Variants in SLC39A9 observed in about 807,000 individuals in gnomAD.
SLC39A9 encodes the protein solute carrier family 39 member 9.
In SLC39A9, 14 loss-of-function variants were observed where a neutral mutation model predicts 28.4. That is an observed-to-expected ratio of 0.49 (90% CI 0.33 to 0.77). The LOEUF (loss-of-function observed/expected upper bound fraction) is 0.77. Ranked by LOEUF, SLC39A9 falls within the 30% of genes least tolerant of loss-of-function variation. The pLI, the probability that SLC39A9 is intolerant of heterozygous loss-of-function variation, is 0.02. For missense variants in SLC39A9, 283 were observed against 381.1 expected (o/e 0.74, Z 2.14); for synonymous variants, 119 against 149.6 (o/e 0.80, Z 1.49).
intron 2 of SLC39A9, among the ~76,000 whole-genome samples, chr14:69,439,214 G>A (rs1468127751): frequency 6.6e-6 from 1 of 152,120 alleles, no homozygotes; most frequent in African/African-American, 2.4e-5. Context: ...GAAAGCATTA[G>A]GAGATATACC....
In SLC39A9 at chr14:69,458,919, C is replaced by T; in HGVS notation, c.*326C>T. On this transcript the variant is annotated 3_prime_UTR_variant, in exon 7 of 7. Transcript: ENST00000336643. ...AAGGAAAAGAGGAGAACTTCATACT[C>T]ACAATGAAATAGTGATTATGAAAAT... The T allele has an allele frequency of 7.5e-6, 8 of 1,062,146 alleles. No individual in the cohort carries two copies. The highest frequency in any genetic ancestry group is 9.1e-6 in the Non-Finnish European group (8 of 878,076). The allele number at this position is 1,062,146 out of a possible 1,614,324, so 65.8% of individuals were successfully genotyped here.
At chr14:69,413,040 A>G (rs1349272045) in intron 1 of SLC39A9, among the ~76,000 whole-genome samples, 1 of 152,110 alleles carries the variant, frequency 6.6e-6, no homozygotes, top group Non-Finnish European at 1.5e-5. Context: ...TTTGGGTTTC[A>G]TAGATCAGTC....
In SLC39A9 at chr14:69,442,276, T is replaced by C. The variant is rs1885085908; in HGVS notation, c.403+10T>C. On this transcript the variant is annotated intron_variant, in intron 3 of 6. Transcript: ENST00000336643. ...GTGCATTCTACTGACGGTGAGTGGC[T>C]CCAAGGCTTTCTGGGCAGTGCAATA... is the stretch of plus-strand genomic sequence containing the variant. 3 of 1,613,022 alleles carry C rather than the reference T, an allele frequency of 1.9e-6. No homozygotes were observed. The highest frequency in any genetic ancestry group is 2.7e-5 in the African/African-American group (2 of 75,006).
In SLC39A9 at chr14:69,461,659, C is replaced by A. The variant is rs1335699370; in HGVS notation, c.*3066C>A. ...ATTGTGTTTTTTTTTTACCAGCCTACTTCTAAGTGTCACTGCCTGGTTTTT... is the reference window on the plus strand; with the variant it reads ...ATTGTGTTTTTTTTTTACCAGCCTAATTCTAAGTGTCACTGCCTGGTTTTT... On this transcript the variant is annotated 3_prime_UTR_variant, in exon 7 of 7. Transcript: ENST00000336643. 5 of 1,535,354 alleles carry A rather than the reference C, an allele frequency of 3.3e-6. No individual in the cohort carries two copies. Among genetic ancestry groups the A allele is most frequent in the Non-Finnish European group, 4.4e-6 (5 of 1,146,592 alleles).
At chr14:69,453,429 T>G in intron 4 of SLC39A9, 120 bp downstream of exon 4, 1 of 865,540 alleles carries the variant, frequency 1.2e-6, no homozygotes, top group South Asian at 1.7e-5. Flanking sequence ...GGAAAAGGTT[T>G]CTTAATGAAG....
rs2139468536 is a variant in SLC39A9 at position 69,461,599 on chromosome 14, G to T, written c.*3006G>T. ...AGAAAAGAAAGGGAGTGGCTGTTTT[G>T]AGTTGTCCTTTCTTTGCAGAAAGGA... On this transcript the variant is annotated 3_prime_UTR_variant, in exon 7 of 7. Transcript: ENST00000336643. 2 of 1,522,688 alleles carry T rather than the reference G, an allele frequency of 1.3e-6. No homozygotes were observed. The highest frequency in any genetic ancestry group is 1.8e-6 in the Non-Finnish European group (2 of 1,140,204). The allele number at this position is 1,522,688 out of a possible 1,614,324, so 94.3% of individuals were successfully genotyped here. A position where few individuals can be genotyped will look rare whatever the true frequency, so the allele number is the denominator to read the frequency against.
upstream of SLC39A9, chr14:69,398,546 C>A: frequency 2.0e-6 from 1 of 492,776 alleles, no homozygotes; most frequent in Non-Finnish European, 3.7e-6. Context: ...AAGTGATCAC[C>A]GGTATAGACA....
At position 69,412,244 on chromosome 14, in the gene SLC39A9, C is replaced by T. The variant is rs185890234; in HGVS notation, c.97-11850C>T. Among the ~76,000 whole-genome samples the T allele has an allele frequency of 1.8e-4, 28 of 151,722 alleles. No homozygotes were observed. In the East Asian group the frequency reaches 5.4e-3, roughly 29 times the overall value. On this transcript the variant is annotated intron_variant, in intron 1 of 6. Transcript: ENST00000336643. ...CTCTACTAAAAATACAAAAAATTAG[C>T]CGGGCATGGTGGCGGGCGCCTATAG...
intron 2 of SLC39A9, among the ~76,000 whole-genome samples, chr14:69,427,000 C>A (rs990249704): frequency 4.0e-5 from 6 of 148,716 alleles, no homozygotes; most frequent in Non-Finnish European, 8.9e-5. Context: ...ATTTTTGACC[C>A]AAAATAATTT....
intron 2 of SLC39A9, among the ~76,000 whole-genome samples, chr14:69,427,357 T>C (rs746497554): frequency 3.3e-5 from 5 of 152,178 alleles, no homozygotes; most frequent in Non-Finnish European, 7.4e-5. Context: ...TTTATAAGTC[T>C]CTTCTGAAAA....
At chr14:69,402,458 C>A (rs1283938540) in intron 1 of SLC39A9, among the ~76,000 whole-genome samples, 1 of 152,036 alleles carries the variant, frequency 6.6e-6, no homozygotes, top group East Asian at 1.9e-4. Context: ...GTCAGATGAT[C>A]AATTATGGCA....
At chr14:69,450,632 G>T (rs960842721) in intron 3 of SLC39A9, among the ~76,000 whole-genome samples, 1 of 152,074 alleles carries the variant, frequency 6.6e-6, no homozygotes, top group African/African-American at 2.4e-5. Flanking sequence ...TTAAAAATTA[G>T]CCAGGCATAG....
intron 3 of SLC39A9, among the ~76,000 whole-genome samples, chr14:69,450,803 A>G (rs1342313731): frequency 1.3e-5 from 2 of 152,186 alleles, no homozygotes; most frequent in Non-Finnish European, 2.9e-5. Flanking sequence ...GTGTGGGCGC[A>G]GTAGTAGCCA....
At chr14:69,409,345 G>A (rs1473659187) in intron 1 of SLC39A9, among the ~76,000 whole-genome samples, 1 of 151,896 alleles carries the variant, frequency 6.6e-6, no homozygotes, top group Non-Finnish European at 1.5e-5. Context: ...ATTTGTTGTT[G>A]TTGTTGTTAA....
chr14:69,436,249 A>T (rs896110085), intron 2 of SLC39A9, among the ~76,000 whole-genome samples: 9 of 152,040 alleles, frequency 5.9e-5, no homozygotes, highest in Non-Finnish European at 1.0e-4. Flanking sequence ...ATTTTTTAAA[A>T]ATTATTTTTC....
At chr14:69,439,286 C>T (rs1884931786) in intron 2 of SLC39A9, among the ~76,000 whole-genome samples, 1 of 151,962 alleles carries the variant, frequency 6.6e-6, no homozygotes, top group East Asian at 1.9e-4. Flanking sequence ...ACATATGTAA[C>T]AAACCTACAC....
At chr14:69,455,572 G>A (rs1885818699) in intron 5 of SLC39A9, among the ~76,000 whole-genome samples, 160 bp from the exon 6 acceptor site, 2 of 152,036 alleles carry the variant, frequency 1.3e-5, no homozygotes, top group Admixed American at 6.6e-5. Context: ...CACCCACCTC[G>A]ACCTCCCAAA....
intron 2 of SLC39A9, among the ~76,000 whole-genome samples, chr14:69,436,696 AAC>A (rs1884777912): frequency 6.6e-6 from 1 of 152,110 alleles, no homozygotes; most frequent in Non-Finnish European, 1.5e-5. Flanking sequence ...AGGATTAAAG[AAC>A]CCCTCTCTCA....
Position 69,453,279 on chromosome 14 carries a change from A to G in SLC39A9, c.442A>G (p.Thr148Ala). The G allele has an allele frequency of 6.2e-7, 1 of 1,613,974 alleles. No individual in the cohort carries two copies. Reference sequence around the variant, plus strand: ...AAGGTCTAGCAATTCCAAAATCACCACCACGCTGGGTCTGGTTGTCCATGC... The same window carrying G: ...AAGGTCTAGCAATTCCAAAATCACCGCCACGCTGGGTCTGGTTGTCCATGC... Reference protein sequence around the residue: ...AARSSNSKITTTLGLVVHAAA... With the variant: ...AARSSNSKITATLGLVVHAAA... The change falls in exon 4 of 7, where the codon ACC becomes GCC. Residue 148 changes from threonine (T) to alanine (A), a missense_variant. Physicochemically the swap from Thr to Ala is moderately conservative, Grantham distance 58 (BLOSUM62 0). Transcript: ENST00000336643.
Sources: gnomAD v4.1 joint callset for allele counts (sites outside exome capture counted in the v4.1 genomes callset) on GRCh38, gnomAD v4.1.1 for gene constraint, MANE v1.5 for transcripts, NCBI Gene and HGNC (gene_info 2026-07-23, HGNC 2026-07-21) for gene names.